The following SCFD1 variants were observed in gnomAD, a reference collection of about 807,000 sequenced individuals.
The protein encoded by SCFD1 is sec1 family domain-containing protein 1.
In SCFD1, 37 loss-of-function variants were observed where a neutral mutation model predicts 103.2. That is an observed-to-expected ratio of 0.36 (90% confidence interval 0.28 to 0.47). SCFD1 has a LOEUF of 0.47. Among genes scored for constraint, SCFD1 ranks in the 20% least tolerant of loss-of-function variants. SCFD1 has a pLI of 1.00. For synonymous variants in SCFD1, 264 were observed against 245.0 expected (o/e 1.08, Z -0.73); for missense variants, 639 against 761.2 (o/e 0.84, Z 1.89).
intron 14 of SCFD1, among the ~76,000 whole-genome samples, chr14:30,692,386 G>C (rs1243261342): frequency 6.6e-6 from 1 of 152,164 alleles, no homozygotes; most frequent in Non-Finnish European, 1.5e-5. Flanking sequence ...ATAAAGTGCT[G>C]TTGATACACA....
chr14:30,655,574 G>T (rs1277258238), intron 10 of SCFD1, among the ~76,000 whole-genome samples: 1 of 152,204 alleles, frequency 6.6e-6, no homozygotes, highest in Non-Finnish European at 1.5e-5. Flanking sequence ...AGATCGGTTA[G>T]GAGGCTGTTG....
chr14:30,732,851 A>G (rs1419141413), intron 23 of SCFD1, among the ~76,000 whole-genome samples: 4 of 152,176 alleles, frequency 2.6e-5, no homozygotes, highest in Non-Finnish European at 5.9e-5. Context: ...GATTTTATCA[A>G]AACATTTGAT....
intron 10 of SCFD1, among the ~76,000 whole-genome samples, chr14:30,658,603 G>A (rs113614310): frequency 6.6e-6 from 1 of 152,124 alleles, no homozygotes; most frequent in Non-Finnish European, 1.5e-5. Flanking sequence ...ATGTTAGCCA[G>A]ACTGCTCTAG....
chr14:30,707,946 G>T, intron 18 of SCFD1, 44 bp from the exon 19 acceptor site: 1 of 1,272,270 alleles, frequency 7.9e-7, no homozygotes, highest in Non-Finnish European at 1.2e-6. Context: ...GATTGGAGAG[G>T]CACTTTGTAC....
At chr14:30,624,567 G>T (rs1594535529) in intron 1 of SCFD1, among the ~76,000 whole-genome samples, 1 of 152,294 alleles carries the variant, frequency 6.6e-6, no homozygotes, top group South Asian at 2.1e-4. Flanking sequence ...GGATCTGACT[G>T]TTGTCATTGC....
At chr14:30,681,651 C>A (rs191051801) in intron 14 of SCFD1, among the ~76,000 whole-genome samples, 36 of 143,750 alleles carry the variant, frequency 2.5e-4, no homozygotes, top group Admixed American at 2.1e-3. Context: ...AATTTTCTCA[C>A]AGCCAAGATA....
chr14:30,734,214 G>A (rs953273092), intron 23 of SCFD1, among the ~76,000 whole-genome samples: 20 of 152,112 alleles, frequency 1.3e-4, no homozygotes, highest in Middle Eastern at 3.2e-3. Context: ...TTTACCTTCA[G>A]GTTCACGATA....
chr14:30,654,220 A>T (rs972344634), intron 10 of SCFD1, among the ~76,000 whole-genome samples: 1 of 152,258 alleles, frequency 6.6e-6, no homozygotes, highest in African/African-American at 2.4e-5. Flanking sequence ...ATCAGGCCAG[A>T]ATAGTCTCTA....
chr14:30,627,312 A>C (rs1883575982), intron 1 of SCFD1, among the ~76,000 whole-genome samples: 1 of 152,242 alleles, frequency 6.6e-6, no homozygotes, highest in African/African-American at 2.4e-5. Context: ...CCCAAGGGAC[A>C]TAGAATTTTA....
At chr14:30,647,451 CT>C (rs1442703967) in intron 7 of SCFD1, among the ~76,000 whole-genome samples, 1 of 151,460 alleles carries the variant, frequency 6.6e-6, no homozygotes, top group Non-Finnish European at 1.5e-5. Context: ...GTTCTTTCTC[CT>C]GTGTGCCATG....
intron 1 of SCFD1, among the ~76,000 whole-genome samples, chr14:30,622,910 C>T (rs1362735724): frequency 1.3e-5 from 2 of 152,214 alleles, no homozygotes; most frequent in Non-Finnish European, 2.9e-5. Flanking sequence ...CTTCAGCTTG[C>T]TGGAAGGCAT....
chr14:30,702,187 G>A (rs1891125847), intron 16 of SCFD1, 109 bp from the exon 17 acceptor site: 1 of 670,670 alleles, frequency 1.5e-6, no homozygotes, highest in African/African-American at 1.8e-5. Context: ...TGGGTGCCAA[G>A]AATTTAAACT....
At chr14:30,679,228 ATTT>A (rs34426823) in intron 14 of SCFD1, among the ~76,000 whole-genome samples, 1 of 143,332 alleles carries the variant, frequency 7.0e-6, no homozygotes, top group African/African-American at 2.5e-5. Flanking sequence ...TCATGATTGG[ATTT>A]TTTTTTTTTT....
chr14:30,657,557 G>A (rs1024230782), intron 10 of SCFD1, among the ~76,000 whole-genome samples: 1 of 152,094 alleles, frequency 6.6e-6, no homozygotes, highest in African/African-American at 2.4e-5. Flanking sequence ...TAAAAAGTTG[G>A]GAATCTTTGA....
At chr14:30,647,011 G>A (rs1173227230) in intron 7 of SCFD1, among the ~76,000 whole-genome samples, 1 of 151,118 alleles carries the variant, frequency 6.6e-6, no homozygotes, top group Admixed American at 6.6e-5. Context: ...TTTTTTCTTT[G>A]TTGACCTAAC....
chr14:30,683,140 T>C, intron 14 of SCFD1: 1 of 1,148,258 alleles, frequency 8.7e-7, no homozygotes, highest in Non-Finnish European at 1.3e-6. Context: ...GCATGTGTGT[T>C]CAAGGGGCTA....
rs747769825 is a variant in SCFD1 at position 30,649,596 on chromosome 14, G to A, written c.669+13G>A. The stretch of plus-strand genomic sequence containing the variant: ...AATGGTAGCAGTGGTAAGTTCATGC[G>A]GATATCACGTGGAGATAAATAACAT... On this transcript the variant is annotated intron_variant, in intron 8 of 24. Coordinates refer to ENST00000458591, the MANE Select transcript of SCFD1 (RefSeq NM_016106.4). 40 of 1,558,802 alleles carry A rather than the reference G, an allele frequency of 2.6e-5. No homozygotes were observed. Among genetic ancestry groups the A allele is most frequent in the East Asian group, 2.2e-4 (9 of 41,366 alleles).
chr14:30,683,630 G>C, intron 14 of SCFD1: 1 of 260,250 alleles, frequency 3.8e-6, no homozygotes, highest in South Asian at 4.1e-5. Context: ...AGGAACTCGG[G>C]AGAGCTCATG....
At chr14:30,634,987 A>G (rs1466814189) in intron 4 of SCFD1, 1 of 455,900 alleles carries the variant, frequency 2.2e-6, no homozygotes, top group East Asian at 6.9e-5. Context: ...AAGAAAATCT[A>G]GCAAGATTCT....
Sources: gnomAD v4.1 joint callset for allele counts (sites outside exome capture counted in the v4.1 genomes callset) on GRCh38, gnomAD v4.1.1 for gene constraint, MANE v1.5 for transcripts, NCBI Gene and HGNC (gene_info 2026-07-23, HGNC 2026-07-21) for gene names.